C11orf65: variants seen among roughly 807,000 people sequenced by gnomAD.
The protein encoded by C11orf65 is protein MFI.
In C11orf65, 38 loss-of-function variants were observed where a neutral mutation model predicts 35.3. The ratio of observed to expected loss-of-function variants is 1.08; its 90% CI spans 0.83 to 1.41. C11orf65 has a LOEUF of 1.41. C11orf65 is among the 40% of genes most tolerant of loss of function. The pLI is 0.00. For missense variants in C11orf65, 370 were observed against 367.1 expected (o/e 1.01, Z -0.06); for synonymous variants, 105 against 114.4 (o/e 0.92, Z 0.53).
intron 6 of C11orf65, among the ~76,000 whole-genome samples, chr11:108,400,248 G>C (rs1213936039): frequency 6.6e-6 from 1 of 152,160 alleles, no homozygotes; most frequent in African/African-American, 2.4e-5. Flanking sequence ...ACAGTAACTT[G>C]TCTCTCATTT....
chr11:108,393,367 C>G lies in C11orf65; in HGVS notation c.572G>C (p.Gly191Ala), dbSNP rs756288232. 3.1e-6 allele frequency: 5 copies of G among 1,613,616 alleles called. 1 individual carries two copies. The East Asian group carries it at 1.1e-4, about 36-fold the overall frequency. ...ATGTGTTGACTTAGCCTCCAGACTT[C>G]CTGAGTAGTACCTAAATAGGCAAAA... ...IEWMRQMYYS[G>A]SLEAKSTHHE... is the part of the protein sequence containing the mutation. The change falls in exon 7 of 9, where the codon GGA (glycine) becomes GCA (alanine). Residue 191 changes from glycine to alanine, a missense_variant. By Grantham distance (60) the Gly-to-Ala change is moderately conservative. Transcript: ENST00000393084.
At chr11:108,372,808 G>A (rs181940153) in intron 2 of C11orf65, among the ~76,000 whole-genome samples, 25 of 152,198 alleles carry the variant, frequency 1.6e-4, no homozygotes, top group Admixed American at 1.4e-3. Flanking sequence ...AAAGATGCCG[G>A]GCACACATCT....
intron 3 of C11orf65, among the ~76,000 whole-genome samples, chr11:108,420,328 A>G (rs924558780): frequency 2.0e-5 from 3 of 152,188 alleles, no homozygotes; most frequent in Non-Finnish European, 4.4e-5. Flanking sequence ...CTCAATACCT[A>G]TGGAAGAAAG....
chr11:108,438,215 T>C (rs1254831218), intron 2 of C11orf65, among the ~76,000 whole-genome samples: 1 of 152,126 alleles, frequency 6.6e-6, no homozygotes, highest in Non-Finnish European at 1.5e-5. Flanking sequence ...ATAATGAAAT[T>C]GGGTCCTTAA....
chr11:108,389,568 A>C (rs2092097246), intron 7 of C11orf65, among the ~76,000 whole-genome samples: 1 of 152,188 alleles, frequency 6.6e-6, no homozygotes, highest in Non-Finnish European at 1.5e-5. Context: ...CATTTTTTTA[A>C]TGGAAATTTT....
intron 6 of C11orf65, among the ~76,000 whole-genome samples, chr11:108,397,812 T>C (rs972369062): frequency 1.8e-4 from 28 of 152,200 alleles, no homozygotes; most frequent in Non-Finnish European, 3.2e-4. Context: ...GCAACATATA[T>C]TCATTAAACA....
intron 2 of C11orf65, among the ~76,000 whole-genome samples, chr11:108,347,958 G>A (rs910222244): frequency 2.6e-5 from 4 of 152,176 alleles, no homozygotes; most frequent in Non-Finnish European, 5.9e-5. Flanking sequence ...AAATGATGAA[G>A]ATTTATACTA....
intron 6 of C11orf65, among the ~76,000 whole-genome samples, chr11:108,395,055 C>A (rs2092272508): frequency 6.6e-6 from 1 of 151,928 alleles, no homozygotes; most frequent in Admixed American, 6.6e-5. Flanking sequence ...TGTTTGAGCC[C>A]AGAAGTTCAA....
At chr11:108,374,693 T>C (rs1320289239) in intron 2 of C11orf65, among the ~76,000 whole-genome samples, 1 of 152,180 alleles carries the variant, frequency 6.6e-6, no homozygotes, top group African/African-American at 2.4e-5. Context: ...TACTCCGAGC[T>C]ACAGGAGGAA....
chr11:108,391,825 T>A (rs939615312), intron 7 of C11orf65, among the ~76,000 whole-genome samples: 6 of 151,666 alleles, frequency 4.0e-5, no homozygotes, highest in Non-Finnish European at 8.8e-5. Flanking sequence ...ATTCTGGGTA[T>A]TTCCTATAAA....
chr11:108,332,369 T>G (rs1565535126), intron 3 of C11orf65, among the ~76,000 whole-genome samples: 1 of 152,032 alleles, frequency 6.6e-6, no homozygotes, highest in East Asian at 1.9e-4. Flanking sequence ...GAGGCGGAGG[T>G]TGCAGTGAGC....
At chr11:108,458,256 A>C (rs1418834177) in intron 2 of C11orf65, among the ~76,000 whole-genome samples, 1 of 147,894 alleles carries the variant, frequency 6.8e-6, no homozygotes, top group Admixed American at 7.0e-5. Flanking sequence ...CCGGTATCCC[A>C]CCTACTCGGG....
At chr11:108,412,728 C>T (rs182625579) in intron 3 of C11orf65, among the ~76,000 whole-genome samples, 2 of 151,814 alleles carry the variant, frequency 1.3e-5, no homozygotes, top group Admixed American at 6.6e-5. Context: ...CAGAGTGAGG[C>T]TTTATCGAAG....
At chr11:108,428,979 T>G (rs1216482585) in intron 3 of C11orf65, among the ~76,000 whole-genome samples, 2 of 151,948 alleles carry the variant, frequency 1.3e-5, no homozygotes, top group African/African-American at 4.8e-5. Flanking sequence ...AGATCCCATC[T>G]CTACAAAAAA....
At position 108,326,167 on chromosome 11, in the gene C11orf65, G is replaced by A. The variant is rs1591133976; in HGVS notation, c.641-17096C>T. The A allele has an allele frequency of 6.2e-7, 1 of 1,614,126 alleles. No individual in the cohort carries two copies. On this transcript the variant is annotated intron_variant, in intron 6 of 6. Transcript: ENST00000525729. ...GTATTCTGGGCAAAAAAGGAGCAGA[G>A]TCTTGCCCTGAGTATTCTCAAGCAA...
rs770138283 is a variant in C11orf65 at position 108,335,079 on chromosome 11, C to T, written c.299+141G>A. ...CAAAAATAATAGATTGTGTAGGTTC[C>T]GATGGCAAGGAGAGGAGACAGCTTG... On this transcript the variant is annotated intron_variant, in intron 3 of 3. Coordinates refer to the C11orf65 transcript ENST00000524755. The T allele has an allele frequency of 1.1e-5, 17 of 1,613,892 alleles. No homozygotes were observed. The highest frequency in any genetic ancestry group is 3.3e-5 in the Admixed American group (2 of 59,980).
chr11:108,364,004 T>G (rs2091074676), intron 2 of C11orf65, among the ~76,000 whole-genome samples: 1 of 152,310 alleles, frequency 6.6e-6, no homozygotes, highest in Admixed American at 6.5e-5. Flanking sequence ...TGAAGTCACA[T>G]AGGAAACCTT....
chr11:108,407,756 C>A (rs2092569507), intron 3 of C11orf65, among the ~76,000 whole-genome samples: 1 of 150,476 alleles, frequency 6.6e-6, no homozygotes, highest in South Asian at 2.1e-4. Flanking sequence ...CACGGTGAAA[C>A]CCCGTCTCTA....
chr11:108,463,563 T>C (rs192444087), intron 1 of C11orf65, among the ~76,000 whole-genome samples: 24 of 152,268 alleles, frequency 1.6e-4, no homozygotes, highest in Non-Finnish European at 3.2e-4. Context: ...AGGGTTTAAA[T>C]CTCAACAAAT....
Sources: gnomAD v4.1 joint callset for allele counts (sites outside exome capture counted in the v4.1 genomes callset) on GRCh38, gnomAD v4.1.1 for gene constraint, MANE v1.5 for transcripts, NCBI Gene and HGNC (gene_info 2026-07-23, HGNC 2026-07-21) for gene names.